The following DIS3L2 variants were observed in gnomAD, a reference collection of about 807,000 sequenced individuals.
DIS3L2 encodes DIS3-like exonuclease 2.
In DIS3L2, 34 loss-of-function variants were observed where a neutral mutation model predicts 97.5. The observed-to-expected ratio is 0.35, with a 90% CI of 0.27 to 0.46. The LOEUF (loss-of-function observed/expected upper bound fraction) is 0.46, where lower values mean the gene tolerates loss of function less well. Ranked by LOEUF, DIS3L2 falls within the 20% of genes least tolerant of loss-of-function variation. The probability of loss-of-function intolerance (pLI) is 1.00; values close to 1 mark genes in which losing one functional copy is unlikely to be tolerated. For missense variants in DIS3L2, 1,038 were observed against 1,146.0 expected, an observed-to-expected ratio of 0.91 and a Z score of 1.36; for synonymous variants, 435 against 445.2, an observed-to-expected ratio of 0.98 and a Z score of 0.29.
chr2:232,333,808 C>G (rs771467280), intron 16 of DIS3L2, 32 bp from the exon 17 acceptor site: 2 of 1,584,974 alleles, frequency 1.3e-6, no homozygotes, highest in South Asian at 1.1e-5. Context: ...CAGCTCTGGG[C>G]TTGTCAGGCT....
At chr2:232,134,709 G>A (rs370633665) in intron 7 of DIS3L2, among the ~76,000 whole-genome samples, 6 of 152,124 alleles carry the variant, frequency 3.9e-5, no homozygotes, top group Non-Finnish European at 8.8e-5. Flanking sequence ...ACACACACCT[G>A]TGGTCCCAGA....
chr2:232,274,587 C>G (rs1694092423), intron 13 of DIS3L2, among the ~76,000 whole-genome samples: 1 of 152,210 alleles, frequency 6.6e-6, no homozygotes, highest in Admixed American at 6.5e-5. Flanking sequence ...TCTGTTTGCT[C>G]TCTGTCCTAA....
chr2:232,121,760 GGTCATGTCTAT>G (rs1697914439), intron 6 of DIS3L2, among the ~76,000 whole-genome samples: 1 of 152,248 alleles, frequency 6.6e-6, no homozygotes, highest in African/African-American at 2.4e-5. Flanking sequence ...AGAGCTCACA[GGTCATGTCTAT>G]GCTGCTGGTA....
chr2:232,327,543 G>T, intron 14 of DIS3L2, among the ~76,000 whole-genome samples: 1 of 152,262 alleles, frequency 6.6e-6, no homozygotes, highest in African/African-American at 2.4e-5. Context: ...GGCCTGACCA[G>T]TATCAGATTA....
chr2:232,335,935 G>A (rs1489895238), intron 20 of DIS3L2, 61 bp downstream of exon 20: 57 of 1,547,496 alleles, frequency 3.7e-5, no homozygotes, highest in Non-Finnish European at 4.5e-5. Flanking sequence ...TGCCTCCTGC[G>A]GTGCCCCTCA....
At chr2:232,136,290 A>C (rs755247458) in intron 7 of DIS3L2, among the ~76,000 whole-genome samples, 182 bp from the exon 8 acceptor site, 6 of 152,196 alleles carry the variant, frequency 3.9e-5, no homozygotes, top group Non-Finnish European at 7.3e-5. Flanking sequence ...TATGCCTACT[A>C]GGTACTTCTT....
At chr2:232,189,919 G>T (rs1322080683) in intron 9 of DIS3L2, among the ~76,000 whole-genome samples, 2 of 152,180 alleles carry the variant, frequency 1.3e-5, no homozygotes, top group African/African-American at 4.8e-5. Flanking sequence ...AAAGGAACCA[G>T]ATTAATAAAG....
At chr2:232,117,478 T>G (rs1697762119) in intron 6 of DIS3L2, among the ~76,000 whole-genome samples, 1 of 152,186 alleles carries the variant, frequency 6.6e-6, no homozygotes, top group Admixed American at 6.5e-5. Flanking sequence ...AGCGTAGCAT[T>G]TTGTTATGGG....
At chr2:232,260,319 G>T (rs1462820572) in intron 12 of DIS3L2, 3 of 152,290 alleles carry the variant, frequency 2.0e-5, no homozygotes, top group Non-Finnish European at 4.4e-5. Flanking sequence ...TTCCAGAGGA[G>T]GCTGGAGCAG....
At chr2:232,035,059 G>C (rs1421031643) in intron 5 of DIS3L2, among the ~76,000 whole-genome samples, 1 of 151,986 alleles carries the variant, frequency 6.6e-6, no homozygotes, top group Non-Finnish European at 1.5e-5. Flanking sequence ...GTCTGTTATT[G>C]ACAGTGTCTT....
intron 20 of DIS3L2, 71 bp from the exon 21 acceptor site, chr2:232,336,398 G>T: frequency 6.4e-7 from 1 of 1,555,730 alleles, no homozygotes; most frequent in African/African-American, 1.4e-5. Flanking sequence ...CTGCTGCAGG[G>T]ATGGAGGCAG....
At chr2:231,998,960 C>T (rs1241461249) in intron 1 of DIS3L2, among the ~76,000 whole-genome samples, 1 of 152,136 alleles carries the variant, frequency 6.6e-6, no homozygotes, top group East Asian at 1.9e-4. Context: ...GACATGTCCT[C>T]ATCATTTTTT....
intron 12 of DIS3L2, among the ~76,000 whole-genome samples, chr2:232,249,998 G>C (rs1395791556): frequency 1.3e-5 from 2 of 152,186 alleles, no homozygotes; most frequent in Non-Finnish European, 2.9e-5. Flanking sequence ...AGATGTCTGT[G>C]CCTGTCGTCG....
intron 6 of DIS3L2, among the ~76,000 whole-genome samples, chr2:232,095,880 A>AT (rs1448192198): frequency 1.3e-5 from 2 of 152,038 alleles, no homozygotes; most frequent in African/African-American, 4.8e-5. Flanking sequence ...CTTTAAACAT[A>AT]TTATGCCACT....
intron 14 of DIS3L2, among the ~76,000 whole-genome samples, chr2:232,319,988 G>C (rs1191517763): frequency 6.6e-6 from 1 of 152,216 alleles, no homozygotes; most frequent in Non-Finnish European, 1.5e-5. Flanking sequence ...CACACAGGCT[G>C]TGCGAGAGCA....
In DIS3L2 at chr2:232,218,292, A is replaced by G. The variant is rs1014923085; in HGVS notation, c.1204+7887A>G. ...TGTCCATGTCATGTGCACATCACAG[A>G]TAGTATAGAGAACTGACCAGGAATC... On this transcript the variant is annotated intron_variant, in intron 10 of 20. Coordinates refer to ENST00000325385, the MANE Select transcript of DIS3L2 (RefSeq NM_152383.5). 3.4e-4 allele frequency among the ~76,000 whole-genome samples: 52 copies of G among 152,228 alleles called. 1 individual carries two copies. Among genetic ancestry groups the G allele is most frequent in the African/African-American group, 1.2e-3 (48 of 41,456 alleles).
At chr2:232,131,509 C>T (rs979606860) in intron 7 of DIS3L2, 1 of 152,118 alleles carries the variant, frequency 6.6e-6, no homozygotes, top group Non-Finnish European at 1.5e-5. Flanking sequence ...GTCTCGAACT[C>T]CTGACCTCGT....
At chr2:231,990,972 C>CT (rs779186763) in intron 1 of DIS3L2, among the ~76,000 whole-genome samples, 154 of 145,632 alleles carry the variant, frequency 1.1e-3, no homozygotes, top group Middle Eastern at 7.2e-3. Context: ...TAAGAGTTTT[C>CT]TTTTTTTTTT....
chr2:231,984,956 A>G (rs560666385), intron 1 of DIS3L2, among the ~76,000 whole-genome samples: 2 of 152,324 alleles, frequency 1.3e-5, no homozygotes, highest in East Asian at 1.9e-4. Context: ...TTGTAGAATC[A>G]CATGCAATTG....
Sources: gnomAD v4.1 joint callset for allele counts (sites outside exome capture counted in the v4.1 genomes callset) on GRCh38, gnomAD v4.1.1 for gene constraint, MANE v1.5 for transcripts, NCBI Gene and HGNC (gene_info 2026-07-23, HGNC 2026-07-21) for gene names.